Variants in LINGO2 observed in about 807,000 individuals in gnomAD.
LINGO2 encodes the protein leucine rich repeat and Ig domain containing 2, also known as leucine-rich repeat and immunoglobulin-like domain-containing nogo receptor-interacting protein 2.
In LINGO2, 14 loss-of-function variants were observed where a neutral mutation model predicts 30.6. That is an observed-to-expected ratio of 0.46 (90% CI 0.30 to 0.72). The LOEUF (loss-of-function observed/expected upper bound fraction) is 0.72, where lower values mean the gene tolerates loss of function less well. Among genes scored for constraint, LINGO2 ranks in the 30% least tolerant of loss-of-function variants. The pLI is 0.07. For missense variants in LINGO2, 729 were observed against 751.7 expected (o/e 0.97, Z 0.35); for synonymous variants, 317 against 288.5 (o/e 1.10, Z -1.00).
At chr9:28,173,652 C>T (rs1163563500) in intron 4 of LINGO2, among the ~76,000 whole-genome samples, 2 of 152,206 alleles carry the variant, frequency 1.3e-5, no homozygotes, top group African/African-American at 4.8e-5. Flanking sequence ...GCCAGCATTA[C>T]TAGTGCTCTG....
rs191833182 is a variant in LINGO2, at chr9:28,631,141, C to T, written c.-365+39059G>A. Among the ~76,000 whole-genome samples the T allele has an allele frequency of 2.6e-3, 390 of 151,780 alleles. 1 individual carries two copies. Among genetic ancestry groups the T allele is most frequent in the African/African-American group, 9.1e-3 (376 of 41,402 alleles). On this transcript the variant is annotated intron_variant, in intron 1 of 5. Transcript: ENST00000379992. Reference sequence around the variant, plus strand: ...GCTACATTTATTTATTTATTTATTGCTTTATCACTTTATTTATTTATTTAT... The same window carrying T: ...GCTACATTTATTTATTTATTTATTGTTTTATCACTTTATTTATTTATTTAT...
chr9:29,204,239 T>C, the LINGO2 span, among the ~76,000 whole-genome samples: 4 of 152,336 alleles, frequency 2.6e-5, no homozygotes, highest in South Asian at 8.3e-4. Flanking sequence ...ATTATAAAAA[T>C]AGTTCTCAGC....
At chr9:28,645,643 G>GA (rs11377212) in intron 1 of LINGO2, among the ~76,000 whole-genome samples, 3,756 of 152,104 alleles carry the variant, frequency 0.025, 147 homozygotes, top group African/African-American at 0.079. Context: ...CTGGTGACTA[G>GA]AAAAAAATAA....
the LINGO2 span, among the ~76,000 whole-genome samples, chr9:28,900,289 A>C: frequency 6.6e-6 from 1 of 152,162 alleles, no homozygotes; most frequent in East Asian, 1.9e-4. Context: ...GTATCAGGCC[A>C]GACCCTAAGG....
intron 1 of LINGO2, among the ~76,000 whole-genome samples, chr9:28,652,690 G>A (rs1828157398): frequency 6.6e-6 from 1 of 150,806 alleles, no homozygotes; most frequent in Non-Finnish European, 1.5e-5. Context: ...TATCTAGTAA[G>A]ACATGTTGCT....
At chr9:28,378,210 T>A (rs1288481147) in intron 2 of LINGO2, among the ~76,000 whole-genome samples, 1 of 152,190 alleles carries the variant, frequency 6.6e-6, no homozygotes, top group East Asian at 1.9e-4. Context: ...AAAGGTATCC[T>A]AACCTGTCCA....
the LINGO2 span, among the ~76,000 whole-genome samples, chr9:28,783,310 C>A: frequency 1.3e-5 from 2 of 152,030 alleles, no homozygotes; most frequent in African/African-American, 4.8e-5. Flanking sequence ...TGTGCAAATC[C>A]TCCCATATTC....
At chr9:29,028,831 T>G in the LINGO2 span, among the ~76,000 whole-genome samples, 51,275 of 151,980 alleles carry the variant, frequency 0.34, 8,887 homozygotes, top group East Asian at 0.48. Flanking sequence ...TATCAGAACT[T>G]AGATGGATAA....
chr9:27,989,365 C>T (rs1273210344), intron 5 of LINGO2, among the ~76,000 whole-genome samples: 1 of 151,752 alleles, frequency 6.6e-6, no homozygotes, highest in African/African-American at 2.4e-5. Flanking sequence ...GGGATTTTAT[C>T]CTACCTATTG....
the LINGO2 span, among the ~76,000 whole-genome samples, chr9:28,952,941 G>A: frequency 6.6e-6 from 1 of 152,122 alleles, no homozygotes; most frequent in Non-Finnish European, 1.5e-5. Flanking sequence ...ATTCTTTTAA[G>A]GATTAAAATA....
intron 4 of LINGO2, among the ~76,000 whole-genome samples, chr9:28,061,912 G>A (rs1563952426): frequency 6.6e-6 from 1 of 152,046 alleles, no homozygotes; most frequent in Admixed American, 6.6e-5. Context: ...ATTGAAATCA[G>A]AAGTTCCATA....
the LINGO2 span, among the ~76,000 whole-genome samples, chr9:28,886,140 A>T: frequency 6.6e-6 from 1 of 152,158 alleles, no homozygotes; most frequent in African/African-American, 2.4e-5. Flanking sequence ...TAAATCAACG[A>T]GTTATGTTTG....
At chr9:29,165,190 T>C in the LINGO2 span, among the ~76,000 whole-genome samples, 3 of 152,180 alleles carry the variant, frequency 2.0e-5, no homozygotes, top group Non-Finnish European at 2.9e-5. Flanking sequence ...TTGGCATCTG[T>C]ATCAATAGAC....
At chr9:28,269,712 T>G (rs1822874951) in intron 4 of LINGO2, among the ~76,000 whole-genome samples, 2 of 152,142 alleles carry the variant, frequency 1.3e-5, no homozygotes, top group African/African-American at 2.4e-5. Flanking sequence ...ACAAAAGACT[T>G]TGCTAGATTA....
intron 1 of LINGO2, among the ~76,000 whole-genome samples, chr9:28,573,224 A>G (rs192187931): frequency 2.7e-4 from 41 of 152,326 alleles, no homozygotes; most frequent in African/African-American, 8.9e-4. Context: ...AGAAGGTTTC[A>G]GCAATTATTT....
chr9:28,241,267 C>CAAAAAAAAAAAAAAAA (rs1164724626), intron 4 of LINGO2, among the ~76,000 whole-genome samples: 1 of 83,604 alleles, frequency 1.2e-5, no homozygotes, highest in Non-Finnish European at 2.3e-5. Context: ...GACCCTGTCT[C>CAAAAAAAAAAAAAAAA]AAAAAAAAAA....
At chr9:28,956,157 G>A in the LINGO2 span, among the ~76,000 whole-genome samples, 1 of 152,032 alleles carries the variant, frequency 6.6e-6, no homozygotes, top group Non-Finnish European at 1.5e-5. Flanking sequence ...TTTCATATCA[G>A]TCCACGGCAT....
chr9:28,498,412 G>T (rs111412090), intron 1 of LINGO2, among the ~76,000 whole-genome samples: 14 of 152,302 alleles, frequency 9.2e-5, no homozygotes, highest in African/African-American at 3.1e-4. Context: ...TCAGACTGCT[G>T]TGCTAGCAAT....
chr9:28,302,088 AGAAAG>A (rs1564107031), intron 3 of LINGO2, among the ~76,000 whole-genome samples: 1 of 152,208 alleles, frequency 6.6e-6, no homozygotes, highest in Admixed American at 6.5e-5. Context: ...CACTAAATGT[AGAAAG>A]GAAAGACCTC....
Sources: allele counts gnomAD v4.1 joint callset (sites outside exome capture counted in the v4.1 genomes callset), GRCh38; gene constraint gnomAD v4.1.1; transcripts MANE v1.5; gene names NCBI Gene and HGNC (gene_info 2026-07-23, HGNC 2026-07-21).